The following CNTN6 variants were observed in gnomAD, a reference collection of about 807,000 sequenced individuals.
CNTN6 encodes the protein contactin-6.
A neutral mutation model predicts 122.8 loss-of-function variants in CNTN6; 137 were observed. The observed-to-expected ratio is 1.12, with a 90% CI of 0.97 to 1.29. CNTN6 has a LOEUF of 1.29. Ranked by LOEUF, CNTN6 falls within the 50% of genes most tolerant of loss-of-function variation. The pLI, the probability that CNTN6 is intolerant of heterozygous loss-of-function variation, is 0.00. For missense variants in CNTN6, 1,634 were observed against 1,223.4 expected, an observed-to-expected ratio of 1.34 and a Z score of -5.01; for synonymous variants, 570 against 426.0, an observed-to-expected ratio of 1.34 and a Z score of -4.16.
intron 11 of CNTN6, among the ~76,000 whole-genome samples, chr3:1,334,360 C>G (rs1702744118): frequency 7.5e-6 from 1 of 133,118 alleles, no homozygotes; most frequent in African/African-American, 3.0e-5. Flanking sequence ...AGTAGAAATG[C>G]TAGACTCCTC....
chr3:1,367,261 C>T (rs1009648576), intron 12 of CNTN6, among the ~76,000 whole-genome samples: 4 of 152,022 alleles, frequency 2.6e-5, no homozygotes, highest in African/African-American at 4.8e-5. Context: ...TTATTCCTCC[C>T]ATCTGAAACT....
intron 1 of CNTN6, among the ~76,000 whole-genome samples, chr3:1,116,628 A>G (rs896687255): frequency 3.3e-5 from 5 of 151,982 alleles, no homozygotes; most frequent in Admixed American, 2.0e-4. Context: ...AGTGGAGAAT[A>G]GAGATACAAG....
In CNTN6 at chr3:1,158,969, C is replaced by CACATATATATATATATATATATAT. The variant is rs1553610778; in HGVS notation, c.55+10907_55+10908insCATATATATATATATATATATATA. Among the ~76,000 whole-genome samples the CACATATATATATATATATATATAT allele has an allele frequency of 9.5e-4, 107 of 112,712 alleles. 1 individual carries two copies. The highest frequency in any genetic ancestry group is 3.9e-3 in the Middle Eastern group (1 of 254). 73.9% of individuals were successfully genotyped at this position (112,712 alleles called of 152,430 possible). A position where few individuals can be genotyped will look rare whatever the true frequency, so the allele number is the denominator to read the frequency against. ...ATATATATATACACACACACACACACATATATATATATATAGACAAGGTCT... is the reference window on the plus strand; with the variant it reads ...ATATATATATACACACACACACACACACATATATATATATATATATATATATATATATATATATAGACAAGGTCT... On this transcript the variant is annotated intron_variant, in intron 2 of 22. Coordinates refer to ENST00000446702, the MANE Select transcript of CNTN6 (RefSeq NM_001289080.2).
intron 1 of CNTN6, among the ~76,000 whole-genome samples, chr3:1,103,228 A>G (rs542053373): frequency 4.1e-4 from 63 of 152,382 alleles, no homozygotes; most frequent in Non-Finnish European, 8.7e-4. Context: ...TTTTCTAGGC[A>G]TTTAATGTCG....
At chr3:1,172,620 C>CTCTGTG (rs762907787) in intron 2 of CNTN6, among the ~76,000 whole-genome samples, 9 of 150,288 alleles carry the variant, frequency 6.0e-5, no homozygotes, top group Middle Eastern at 3.4e-3. Context: ...CAATAACTCT[C>CTCTGTG]TGTGTGTGTG....
chr3:1,283,212 C>T (rs1290615189), intron 5 of CNTN6, among the ~76,000 whole-genome samples: 2 of 152,130 alleles, frequency 1.3e-5, no homozygotes, highest in Admixed American at 1.3e-4. Context: ...GCCTCGGCTT[C>T]CCAAAGTCCT....
chr3:1,396,604 G>C (rs557168526), intron 20 of CNTN6, among the ~76,000 whole-genome samples: 1 of 152,330 alleles, frequency 6.6e-6, no homozygotes, highest in Non-Finnish European at 1.5e-5. Flanking sequence ...CCCAGAGGCT[G>C]TCATACATCA....
chr3:1,169,387 C>A (rs1034703685), intron 2 of CNTN6, among the ~76,000 whole-genome samples: 8 of 152,204 alleles, frequency 5.3e-5, no homozygotes, highest in Non-Finnish European at 8.8e-5. Flanking sequence ...TCTGTCTTCT[C>A]TTTTCTGATT....
chr3:1,402,958 C>T (rs1695917679), intron 22 of CNTN6, among the ~76,000 whole-genome samples: 2 of 152,012 alleles, frequency 1.3e-5, no homozygotes, highest in Non-Finnish European at 2.9e-5. Flanking sequence ...CAACCAACAC[C>T]AGTCAGTCAG....
intron 1 of CNTN6, among the ~76,000 whole-genome samples, chr3:1,105,253 A>G (rs116690855): frequency 1.3e-5 from 2 of 152,172 alleles, no homozygotes; most frequent in South Asian, 4.1e-4. Flanking sequence ...GTATTGCTCT[A>G]TATTACATTT....
chr3:1,228,082 G>T (rs957602186), intron 4 of CNTN6, 89 bp downstream of exon 4: 8 of 1,266,416 alleles, frequency 6.3e-6, no homozygotes, highest in Non-Finnish European at 8.9e-6. Flanking sequence ...CTTTGCCAAT[G>T]ATATATTTGA....
intron 2 of CNTN6, among the ~76,000 whole-genome samples, chr3:1,157,817 G>C (rs998351773): frequency 7.9e-5 from 12 of 152,214 alleles, no homozygotes; most frequent in African/African-American, 2.4e-4. Flanking sequence ...TGTTTCAAAT[G>C]GCAGAATCTG....
At chr3:1,297,630 G>GTT (rs1410740351) in intron 6 of CNTN6, among the ~76,000 whole-genome samples, 4 of 128,330 alleles carry the variant, frequency 3.1e-5, no homozygotes, top group Non-Finnish European at 6.7e-5. Flanking sequence ...CGTTGTTGTT[G>GTT]TTTTTTTCTT....
intron 2 of CNTN6, 72 bp from the exon 3 acceptor site, chr3:1,220,615 A>G (rs2094193817): frequency 2.4e-6 from 3 of 1,234,222 alleles, no homozygotes; most frequent in Non-Finnish European, 2.2e-6. Context: ...TATTGAATTG[A>G]TATTTAATAT....
rs539765781 is a variant in CNTN6 at position 1,390,890 on chromosome 3, G to C, written c.2704+5093G>C. 2.0e-3 allele frequency among the ~76,000 whole-genome samples: 301 copies of C among 150,856 alleles called. 1 individual carries two copies. Among genetic ancestry groups the C allele is most frequent in the African/African-American group, 7.2e-3 (293 of 40,922 alleles). On this transcript the variant is annotated intron_variant, in intron 20 of 22. Coordinates refer to ENST00000446702, the MANE Select transcript of CNTN6 (RefSeq NM_001289080.2). ...GAATCTCTGAATAGACCAATAACAG[G>C]AGCTGAAATTGTGGCAATAATCAAT... is the stretch of plus-strand genomic sequence containing the variant.
intron 11 of CNTN6, among the ~76,000 whole-genome samples, chr3:1,347,200 CGCT>C (rs1704867457): frequency 6.6e-6 from 1 of 151,970 alleles, no homozygotes; most frequent in Non-Finnish European, 1.5e-5. Context: ...ACAATACAAA[CGCT>C]ATTAATTTTT....
At chr3:1,192,673 CCAA>C (rs2093719285) in intron 2 of CNTN6, among the ~76,000 whole-genome samples, 1 of 151,978 alleles carries the variant, frequency 6.6e-6, no homozygotes, top group African/African-American at 2.4e-5. Context: ...CATGTGCACC[CCAA>C]CAACAAAGAT....
intron 11 of CNTN6, among the ~76,000 whole-genome samples, chr3:1,333,903 C>G (rs1702678338): frequency 6.6e-6 from 1 of 152,112 alleles, no homozygotes; most frequent in Non-Finnish European, 1.5e-5. Context: ...GGAGTACACG[C>G]TCAGCTCTTC....
intron 4 of CNTN6, among the ~76,000 whole-genome samples, chr3:1,233,665 G>T (rs1187557016): frequency 1.4e-5 from 2 of 144,358 alleles, no homozygotes; most frequent in South Asian, 4.4e-4. Flanking sequence ...AACCCGGGAG[G>T]CAGAGGTTGC....
Sources: allele counts gnomAD v4.1 joint callset (sites outside exome capture counted in the v4.1 genomes callset), GRCh38; gene constraint gnomAD v4.1.1; transcripts MANE v1.5; gene names NCBI Gene and HGNC (gene_info 2026-07-23, HGNC 2026-07-21).